Variants in ZDHHC14 observed in about 807,000 individuals in gnomAD.
ZDHHC14 encodes palmitoyltransferase ZDHHC14.
ZDHHC14 carries 16 observed loss-of-function variants against 47.7 expected under a neutral mutation model. The observed-to-expected ratio is 0.34, with a 90% confidence interval of 0.23 to 0.51. ZDHHC14 has a LOEUF of 0.51. ZDHHC14 is among the 20% of genes least tolerant of loss of function. The probability of loss-of-function intolerance (pLI) is 0.97; values close to 1 mark genes in which losing one functional copy is unlikely to be tolerated. For synonymous variants in ZDHHC14, 293 were observed against 278.9 expected, an observed-to-expected ratio of 1.05 and a Z score of -0.50; for missense variants, 515 against 662.5, an observed-to-expected ratio of 0.78 and a Z score of 2.44.
At chr6:157,550,170 G>A (rs553251834) in intron 2 of ZDHHC14, among the ~76,000 whole-genome samples, 1 of 152,236 alleles carries the variant, frequency 6.6e-6, no homozygotes, top group African/African-American at 2.4e-5. Context: ...GAGCCTAGGA[G>A]TGTGAATTCC....
chr6:157,554,721 T>C (rs1248370881), intron 2 of ZDHHC14, among the ~76,000 whole-genome samples: 1 of 152,242 alleles, frequency 6.6e-6, no homozygotes, highest in Admixed American at 6.5e-5. Context: ...CTAAGCTTTT[T>C]GAGCCAGCGA....
At chr6:157,501,383 G>A (rs566663694) in intron 1 of ZDHHC14, among the ~76,000 whole-genome samples, 1 of 152,332 alleles carries the variant, frequency 6.6e-6, no homozygotes, top group African/African-American at 2.4e-5. Context: ...TGATTTGGGG[G>A]AAGTGTCAAC....
intron 1 of ZDHHC14, among the ~76,000 whole-genome samples, chr6:157,394,829 C>G (rs1017703385): frequency 6.6e-6 from 1 of 152,090 alleles, no homozygotes; most frequent in Non-Finnish European, 1.5e-5. Context: ...AGTGTTGGGA[C>G]TGGTTTGGGG....
intron 1 of ZDHHC14, among the ~76,000 whole-genome samples, chr6:157,433,149 A>G (rs1226670975): frequency 6.6e-6 from 1 of 152,226 alleles, no homozygotes; most frequent in African/African-American, 2.4e-5. Context: ...GCAGGTTTGC[A>G]TTTGGGCATG....
intron 5 of ZDHHC14, among the ~76,000 whole-genome samples, chr6:157,642,028 A>AGAT (rs2114974788): frequency 8.3e-6 from 1 of 120,032 alleles, no homozygotes; most frequent in African/African-American, 3.6e-5. Context: ...TTTTGAAGAT[A>AGAT]GATAGATAGA....
intron 1 of ZDHHC14, among the ~76,000 whole-genome samples, chr6:157,459,633 A>G (rs559686946): frequency 4.6e-5 from 7 of 152,154 alleles, no homozygotes; most frequent in Admixed American, 1.3e-4. Flanking sequence ...AGCCTCTAGA[A>G]TGGGTAAGCT....
intron 1 of ZDHHC14, among the ~76,000 whole-genome samples, chr6:157,414,940 T>C (rs1161655019): frequency 1.3e-5 from 2 of 151,928 alleles, no homozygotes; most frequent in East Asian, 3.9e-4. Context: ...GAACATTTGC[T>C]TGGATCTTCG....
intron 2 of ZDHHC14, among the ~76,000 whole-genome samples, chr6:157,588,206 A>G (rs1783767046): frequency 6.6e-6 from 1 of 152,156 alleles, no homozygotes; most frequent in South Asian, 2.1e-4. Flanking sequence ...GGTTGCAGTG[A>G]GCCAAGATCA....
intron 1 of ZDHHC14, among the ~76,000 whole-genome samples, chr6:157,410,262 C>T (rs147223797): frequency 6.9e-4 from 105 of 152,242 alleles, no homozygotes; most frequent in African/African-American, 2.4e-3. Flanking sequence ...AGCCAAGCTG[C>T]AGTCAAAACA....
chr6:157,458,164 G>C (rs995185534), intron 1 of ZDHHC14, among the ~76,000 whole-genome samples: 1 of 152,210 alleles, frequency 6.6e-6, no homozygotes, highest in Non-Finnish European at 1.5e-5. Flanking sequence ...GCGGAAGCAG[G>C]GTAGGTAGAA....
At chr6:157,584,149 A>T (rs1783608801) in intron 2 of ZDHHC14, among the ~76,000 whole-genome samples, 1 of 150,562 alleles carries the variant, frequency 6.6e-6, no homozygotes, top group Non-Finnish European at 1.5e-5. Context: ...TGCCTCTAGG[A>T]GCTGCACCTC....
intron 1 of ZDHHC14, among the ~76,000 whole-genome samples, chr6:157,390,019 TC>T (rs1350406223): frequency 6.6e-6 from 1 of 152,200 alleles, no homozygotes; most frequent in Non-Finnish European, 1.5e-5. Context: ...CTGGTACTCT[TC>T]ATTTCTTCTA....
intron 3 of ZDHHC14, among the ~76,000 whole-genome samples, chr6:157,617,142 ACAGT>A (rs1784998888): frequency 6.6e-6 from 1 of 152,224 alleles, no homozygotes; most frequent in African/African-American, 2.4e-5. Context: ...GGCATTAGTG[ACAGT>A]CACGAGACAC....
At chr6:157,498,446 G>C (rs1301831914) in intron 1 of ZDHHC14, among the ~76,000 whole-genome samples, 1 of 152,106 alleles carries the variant, frequency 6.6e-6, no homozygotes, top group Non-Finnish European at 1.5e-5. Context: ...AGAGAATATT[G>C]ATCAAATTGA....
At chr6:157,452,978 C>G (rs866250469) in intron 1 of ZDHHC14, among the ~76,000 whole-genome samples, 5 of 152,150 alleles carry the variant, frequency 3.3e-5, no homozygotes, top group South Asian at 4.2e-4. Context: ...GGGAAGTAAT[C>G]CTTTTTAATA....
intron 1 of ZDHHC14, among the ~76,000 whole-genome samples, chr6:157,488,625 C>T (rs1282848434): frequency 6.6e-6 from 1 of 152,160 alleles, no homozygotes; most frequent in East Asian, 1.9e-4. Flanking sequence ...AGGAGAATTG[C>T]ATTTTCCTTG....
At chr6:157,604,649 T>C (rs1020484742) in intron 3 of ZDHHC14, among the ~76,000 whole-genome samples, 1 of 152,128 alleles carries the variant, frequency 6.6e-6, no homozygotes, top group Non-Finnish European at 1.5e-5. Flanking sequence ...GTTCAAGCAA[T>C]TCTCCTGCCT....
At chr6:157,499,221 G>A (rs1421773917) in intron 1 of ZDHHC14, among the ~76,000 whole-genome samples, 1 of 152,130 alleles carries the variant, frequency 6.6e-6, no homozygotes, top group Non-Finnish European at 1.5e-5. Flanking sequence ...AGTCTGTTTA[G>A]GCTGGCAAAA....
chr6:157,508,472 C>A (rs960574585), intron 1 of ZDHHC14, among the ~76,000 whole-genome samples: 1 of 152,114 alleles, frequency 6.6e-6, no homozygotes, highest in Non-Finnish European at 1.5e-5. Context: ...CTCAAGCAAT[C>A]CTCCCACCTC....
Sources: gnomAD v4.1 joint callset for allele counts (sites outside exome capture counted in the v4.1 genomes callset) on GRCh38, gnomAD v4.1.1 for gene constraint, MANE v1.5 for transcripts, NCBI Gene and HGNC (gene_info 2026-07-23, HGNC 2026-07-21) for gene names.